Variants in URB1 observed in about 807,000 individuals in gnomAD.
URB1 encodes URB1 ribosome biogenesis factor.
A neutral mutation model predicts 242.3 loss-of-function variants in URB1; 197 were observed. The ratio of observed to expected loss-of-function variants is 0.81; its 90% CI spans 0.72 to 0.91. The LOEUF (loss-of-function observed/expected upper bound fraction) is 0.91. Ranked by LOEUF, URB1 falls within the 40% of genes least tolerant of loss-of-function variation. The pLI is 0.00. For missense variants in URB1, 2,721 were observed against 2,860.5 expected (o/e 0.95, Z 1.11); for synonymous variants, 1,153 against 1,201.8 (o/e 0.96, Z 0.84).
At chr21:32,326,230 A>G (rs932519596) in intron 30 of URB1, among the ~76,000 whole-genome samples, 1 of 152,242 alleles carries the variant, frequency 6.6e-6, no homozygotes, top group African/African-American at 2.4e-5. Flanking sequence ...TTAATTATTA[A>G]TGATTAAACT....
At chr21:32,367,650 C>T (rs184563340) in intron 9 of URB1, among the ~76,000 whole-genome samples, 5 of 152,334 alleles carry the variant, frequency 3.3e-5, no homozygotes, top group Admixed American at 6.5e-5. Flanking sequence ...AGGAAGGTAA[C>T]GCACATCCAC....
Position 32,354,794 on chromosome 21 carries a change from T to C in URB1, c.2245+65A>G, listed in dbSNP as rs960595161. On this transcript the variant is annotated intron_variant, in intron 17 of 38. Coordinates refer to ENST00000382751, the MANE Select transcript of URB1 (RefSeq NM_014825.3). ...ATTAGTGCAGTTCTTGTTCTCAATC[T>C]CTTAACACGTCACTGTGGCTTGGTC... 20 of 1,513,650 alleles carry C rather than the reference T, an allele frequency of 1.3e-5. No individual in the cohort carries two copies. In the Admixed American group the frequency reaches 4.0e-4, roughly 31 times the overall value. The allele number at this position is 1,513,650 out of a possible 1,614,324, so 93.8% of individuals were successfully genotyped here.
intron 32 of URB1, among the ~76,000 whole-genome samples, chr21:32,323,809 C>CA (rs1271252030): frequency 6.6e-6 from 1 of 152,034 alleles, no homozygotes; most frequent in Non-Finnish European, 1.5e-5. Context: ...TCTGTCTCTA[C>CA]AAAAAATTAG....
At chr21:32,334,992 C>T (rs972905214) in intron 28 of URB1, among the ~76,000 whole-genome samples, 1 of 152,158 alleles carries the variant, frequency 6.6e-6, no homozygotes, top group Non-Finnish European at 1.5e-5. Context: ...AACTCTCCTC[C>T]TCCCTCCCCC....
intron 1 of URB1, among the ~76,000 whole-genome samples, chr21:32,391,703 C>T (rs917038861): frequency 5.9e-5 from 9 of 152,044 alleles, no homozygotes; most frequent in African/African-American, 2.2e-4. Flanking sequence ...CTAGCAAGTA[C>T]AGGTATAGGT....
Position 32,314,562 on chromosome 21 carries a change from A to ATAGTGTTC in URB1, c.*355_*356insGAACACTA. The ATAGTGTTC allele has an allele frequency of 1.2e-6, 2 of 1,613,964 alleles. No individual in the cohort carries two copies. The highest frequency in any genetic ancestry group is 1.7e-6 in the Non-Finnish European group (2 of 1,179,804). ...TTTTGACATTTCAGCTTTAACACAG[A>ATAGTGTTC]TGAATCTCTTCTGCATTCAGAAGTG... On this transcript the variant is annotated 3_prime_UTR_variant, in exon 39 of 39. Transcript: ENST00000382751.
At chr21:32,321,504 G>A (rs2032765467) in intron 34 of URB1, among the ~76,000 whole-genome samples, 1 of 152,164 alleles carries the variant, frequency 6.6e-6, no homozygotes, top group South Asian at 2.1e-4. Context: ...ACCCCCCACT[G>A]ATGGCCTTCG....
Position 32,344,560 on chromosome 21 carries a change from A to C in URB1, c.4257+10T>G, listed in dbSNP as rs1026059036. The C allele has an allele frequency of 7.1e-6, 11 of 1,551,112 alleles. No homozygotes were observed. In the East Asian group the frequency reaches 2.4e-4, roughly 34 times the overall value. ...AAATTTAATCTGGATCTCTAAGAAA[A>C]GACACTTACCAACAACGCATTTAAT... is the stretch of plus-strand genomic sequence containing the variant. On this transcript the variant is annotated intron_variant, in intron 24 of 38. Transcript: ENST00000382751.
intron 38 of URB1, among the ~76,000 whole-genome samples, chr21:32,316,050 T>A (rs893841270): frequency 6.6e-6 from 1 of 152,248 alleles, no homozygotes; most frequent in African/African-American, 2.4e-5. Context: ...AAGCTCTATG[T>A]GCACACACAC....
intron 24 of URB1, among the ~76,000 whole-genome samples, chr21:32,342,182 T>C (rs962042525): frequency 4.6e-5 from 7 of 152,236 alleles, no homozygotes; most frequent in African/African-American, 1.4e-4. Flanking sequence ...TCATTTCAAA[T>C]AGCACTAATA....
chr21:32,354,003 T>G lies in URB1; in HGVS notation c.2346A>C (p.Pro782=). The change falls in exon 18 of 39, where the codon CCA becomes CCC. Residue 782 remains proline (P), a synonymous_variant. Coordinates refer to ENST00000382751, the MANE Select transcript of URB1 (RefSeq NM_014825.3). ...GGGCCGCAGGGACTACCGCACTGAA[T>G]GGGAACGTGAGCAGGATCATGTCTT... ...LSEDMILLTF[P]FSAVVPAALE... 4 of 1,551,750 alleles carry G rather than the reference T, an allele frequency of 2.6e-6. No homozygotes were observed. Among genetic ancestry groups the G allele is most frequent in the Non-Finnish European group, 3.5e-6 (4 of 1,147,008 alleles).
At chr21:32,338,953 T>C in intron 25 of URB1, 53 bp from the exon 26 acceptor site, 1 of 1,429,858 alleles carries the variant, frequency 7.0e-7, no homozygotes, top group Non-Finnish European at 9.4e-7. Flanking sequence ...AAAATTTATT[T>C]TACAGGAAAC....
intron 32 of URB1, among the ~76,000 whole-genome samples, chr21:32,322,855 G>A (rs9983465): frequency 0.15 from 23,064 of 152,138 alleles, 2,098 homozygotes; most frequent in African/African-American, 0.25. Flanking sequence ...CCCAGCTACC[G>A]TCCTACAGCA....
chr21:32,362,028 G>T lies in URB1; in HGVS notation c.1510-7C>A. Reference sequence around the variant, plus strand: ...TGTTCAGGTCTGGCAAAATCTAAATGGGAAAAAGAAGCAGAACATTAGTTG... The same window carrying T: ...TGTTCAGGTCTGGCAAAATCTAAATTGGAAAAAGAAGCAGAACATTAGTTG... On this transcript the variant is annotated splice_polypyrimidine_tract_variant and splice_region_variant and intron_variant, in intron 11 of 38. Coordinates refer to ENST00000382751, the MANE Select transcript of URB1 (RefSeq NM_014825.3). The T allele has an allele frequency of 6.4e-7, 1 of 1,550,790 alleles. No individual in the cohort carries two copies. The highest frequency in any genetic ancestry group is 1.2e-5 in the South Asian group (1 of 83,922).
At chr21:32,325,796 G>T (rs1023109651) in intron 30 of URB1, among the ~76,000 whole-genome samples, 2 of 152,102 alleles carry the variant, frequency 1.3e-5, no homozygotes, top group African/African-American at 4.8e-5. Context: ...CACCGCGGGC[G>T]CCTGTCTATA....
rs2033191036 is a variant in URB1 at position 32,354,105 on chromosome 21, T to C, written c.2246-2A>G. 1 of 1,551,546 alleles carries C rather than the reference T, an allele frequency of 6.4e-7. No individual in the cohort carries two copies. The highest frequency in any genetic ancestry group is 8.7e-7 in the Non-Finnish European group (1 of 1,146,966). ...GGACATCCACCATGTCGAGAACATC[T>C]GAGACAGAAAGAGGAGAATCCAGCT... On this transcript the variant is annotated splice_acceptor_variant, in intron 17 of 38. Transcript: ENST00000382751. LOFTEE classifies it high-confidence loss of function.
chr21:32,349,931 C>T (rs1206239032), intron 20 of URB1, among the ~76,000 whole-genome samples: 1 of 151,696 alleles, frequency 6.6e-6, no homozygotes. Flanking sequence ...CCCATCTCTA[C>T]TAAAAATACA....
In URB1 at chr21:32,392,935, G is replaced by C. The variant is rs757889156; in HGVS notation, c.-25C>G. The C allele has an allele frequency of 4.7e-6, 7 of 1,493,058 alleles. No homozygotes were observed. In the African/African-American group the frequency reaches 9.8e-5, roughly 21 times the overall value. 92.5% of individuals were successfully genotyped at this position (1,493,058 alleles called of 1,614,324 possible). ...TGGCCGAGAGGGCGGAAGCGCGACG[G>C]AAACGACACACCTGAGGGGACCCGG... On this transcript the variant is annotated 5_prime_UTR_variant, in exon 1 of 39. Coordinates refer to ENST00000382751, the MANE Select transcript of URB1 (RefSeq NM_014825.3).
At chr21:32,325,995 C>T (rs561624336) in intron 30 of URB1, among the ~76,000 whole-genome samples, 2 of 152,280 alleles carry the variant, frequency 1.3e-5, no homozygotes, top group East Asian at 3.9e-4. Flanking sequence ...AGCCTGTTGG[C>T]TGGTATCCAT....
Sources: gnomAD v4.1 joint callset for allele counts (sites outside exome capture counted in the v4.1 genomes callset) on GRCh38, gnomAD v4.1.1 for gene constraint, MANE v1.5 for transcripts, NCBI Gene and HGNC (gene_info 2026-07-23, HGNC 2026-07-21) for gene names.